Variants in RANBP2 observed in about 807,000 individuals in gnomAD.
RANBP2 encodes RAN binding protein 2, also known as E3 SUMO-protein ligase RanBP2.
RANBP2 carries 57 observed loss-of-function variants against 303.6 expected under a neutral mutation model. That is an observed-to-expected ratio of 0.19 (90% CI 0.15 to 0.23). The LOEUF is 0.23. RANBP2 is among the 10% of genes least tolerant of loss of function. The pLI, the probability that RANBP2 is intolerant of heterozygous loss-of-function variation, is 1.00. For synonymous variants in RANBP2, 1,167 were observed against 1,301.5 expected (o/e 0.90, Z 2.23); for missense variants, 3,138 against 3,780.8 (o/e 0.83, Z 4.46).
chr2:109,509,327 A>T, the RANBP2 span, among the ~76,000 whole-genome samples: 1 of 152,160 alleles, frequency 6.6e-6, no homozygotes, highest in Non-Finnish European at 1.5e-5. Flanking sequence ...TCAGTCACTT[A>T]GGCTGCCATA....
At chr2:108,733,840 G>C (rs1233109655) in intron 4 of RANBP2, among the ~76,000 whole-genome samples, 19 of 148,370 alleles carry the variant, frequency 1.3e-4, no homozygotes. Context: ...CACCTTTCCT[G>C]TATCAGATTT....
chr2:109,586,088 C>T, the RANBP2 span, among the ~76,000 whole-genome samples: 10 of 152,098 alleles, frequency 6.6e-5, no homozygotes, highest in Non-Finnish European at 1.3e-4. Flanking sequence ...TTAAAACATT[C>T]GATTTCCAAA....
chr2:109,553,177 A>T, the RANBP2 span: 1 of 1,614,134 alleles, frequency 6.2e-7, no homozygotes, highest in South Asian at 1.1e-5. Context: ...TCTGACGTTC[A>T]CCATGGAACT....
At chr2:109,353,094 G>C in the RANBP2 span, among the ~76,000 whole-genome samples, 1 of 152,232 alleles carries the variant, frequency 6.6e-6, no homozygotes, top group Non-Finnish European at 1.5e-5. Flanking sequence ...CCTCTGCTCA[G>C]AGTCCTCAGT....
chr2:109,030,414 A>G, the RANBP2 span, among the ~76,000 whole-genome samples: 253 of 152,304 alleles, frequency 1.7e-3, no homozygotes, highest in African/African-American at 5.7e-3. Context: ...GTTATTTTTA[A>G]ATGAAGAGGT....
the RANBP2 span, among the ~76,000 whole-genome samples, chr2:109,609,289 A>T: frequency 6.6e-6 from 1 of 152,248 alleles, no homozygotes; most frequent in South Asian, 2.1e-4. Context: ...ATATAAAAAA[A>T]TAATGCCTGT....
At chr2:109,581,322 A>C in the RANBP2 span, among the ~76,000 whole-genome samples, 2 of 151,994 alleles carry the variant, frequency 1.3e-5, no homozygotes, top group Non-Finnish European at 2.9e-5. Flanking sequence ...CTGTAATCCC[A>C]GCTGTTTGGG....
chr2:109,567,425 A>G, the RANBP2 span, among the ~76,000 whole-genome samples: 13 of 152,250 alleles, frequency 8.5e-5, no homozygotes, highest in Non-Finnish European at 1.6e-4. Flanking sequence ...TACTAGTTTT[A>G]AGAGACCTCC....
the RANBP2 span, among the ~76,000 whole-genome samples, chr2:109,307,449 T>G: frequency 6.7e-6 from 1 of 150,082 alleles, no homozygotes; most frequent in Non-Finnish European, 1.5e-5. Context: ...ATACTTTAAG[T>G]TTTAGGGTAC....
At chr2:109,038,220 T>C in the RANBP2 span, among the ~76,000 whole-genome samples, 1 of 152,206 alleles carries the variant, frequency 6.6e-6, no homozygotes. Flanking sequence ...TCTGGAGAAA[T>C]TGGACATCCA....
At chr2:108,796,620 C>A in the RANBP2 span, among the ~76,000 whole-genome samples, 1 of 152,062 alleles carries the variant, frequency 6.6e-6, no homozygotes, top group Non-Finnish European at 1.5e-5. Context: ...TATCTATACA[C>A]AATGGAATAT....
At chr2:109,324,332 A>G in the RANBP2 span, among the ~76,000 whole-genome samples, 629 of 152,244 alleles carry the variant, frequency 4.1e-3, 4 homozygotes, top group African/African-American at 0.014. Context: ...ACTGGGTCGC[A>G]TGGTAACTCT....
chr2:109,399,965 C>T, the RANBP2 span, among the ~76,000 whole-genome samples: 6 of 152,280 alleles, frequency 3.9e-5, no homozygotes, highest in Admixed American at 2.0e-4. Context: ...CCCGCCACCA[C>T]GCTCCACATT....
chr2:109,443,340 C>A, the RANBP2 span, among the ~76,000 whole-genome samples: 2 of 152,192 alleles, frequency 1.3e-5, no homozygotes, highest in Non-Finnish European at 2.9e-5. Context: ...TACTGTGTTG[C>A]CCCCTATCGG....
the RANBP2 span, among the ~76,000 whole-genome samples, chr2:109,724,441 C>A: frequency 6.6e-6 from 1 of 152,112 alleles, no homozygotes; most frequent in African/African-American, 2.4e-5. Context: ...TCTCTGATTT[C>A]CTTGAGCAGT....
the RANBP2 span, among the ~76,000 whole-genome samples, chr2:109,135,611 A>G: frequency 6.6e-6 from 1 of 152,056 alleles, no homozygotes; most frequent in Non-Finnish European, 1.5e-5. Context: ...GATTTGTGGT[A>G]TTTAGTATTC....
At chr2:109,103,307 C>G in the RANBP2 span, among the ~76,000 whole-genome samples, 1 of 152,228 alleles carries the variant, frequency 6.6e-6, no homozygotes. Context: ...AGACTTCTGA[C>G]ACAGCCTAAG....
At chr2:109,263,689 G>A in the RANBP2 span, among the ~76,000 whole-genome samples, 1,111 of 152,314 alleles carry the variant, frequency 7.3e-3, 8 homozygotes, top group South Asian at 0.024. Flanking sequence ...ATGTGAGGCC[G>A]GGTGCGGTGG....
chr2:109,126,441 T>G, the RANBP2 span, among the ~76,000 whole-genome samples: 6,529 of 152,326 alleles, frequency 0.043, 209 homozygotes, highest in Non-Finnish European at 0.067. Context: ...AAATTCTCAC[T>G]TCTCCTGTGT....
Sources: gnomAD v4.1 joint callset for allele counts (sites outside exome capture counted in the v4.1 genomes callset) on GRCh38, gnomAD v4.1.1 for gene constraint, MANE v1.5 for transcripts, NCBI Gene and HGNC (gene_info 2026-07-23, HGNC 2026-07-21) for gene names.